The following TARS3 variants were observed in gnomAD, a reference collection of about 807,000 sequenced individuals.
The protein encoded by TARS3 is threonine--tRNA ligase 2, cytoplasmic.
A neutral mutation model predicts 103.5 loss-of-function variants in TARS3; 94 were observed. The observed-to-expected ratio is 0.91, with a 90% CI of 0.77 to 1.08. TARS3 has a LOEUF of 1.08. Among genes scored for constraint, TARS3 ranks in the 50% least tolerant of loss-of-function variants. The pLI is 0.00. For synonymous variants in TARS3, 416 were observed against 355.4 expected (o/e 1.17, Z -1.92); for missense variants, 952 against 995.2 (o/e 0.96, Z 0.58).
In TARS3 at chr15:101,701,134, GA is replaced by G; in HGVS notation, c.1271del (p.Phe424SerfsTer67). 6.3e-7 allele frequency: 1 copy of G among 1,597,488 alleles called. No homozygotes were observed. The highest frequency in any genetic ancestry group is 8.5e-7 in the Non-Finnish European group (1 of 1,175,186). ...TATAAATGAAGGCTCCTCTGGGAAG[GA>G]AAAAACAGCTTCCAGGACTCAAATC... is the stretch of plus-strand genomic sequence containing the variant. ...FHDLSPGSCF[F>X]LPRGAFIYNT... is the part of the protein sequence containing the mutation. On this transcript the variant is annotated frameshift_variant, in exon 10 of 19. Coordinates refer to ENST00000335968, the MANE Select transcript of TARS3 (RefSeq NM_152334.3). LOFTEE classifies it high-confidence loss of function.
chr15:101,694,253 A>G (rs560273232), intron 10 of TARS3, among the ~76,000 whole-genome samples: 1 of 152,354 alleles, frequency 6.6e-6, no homozygotes, highest in Non-Finnish European at 1.5e-5. Flanking sequence ...AATTTCCCTC[A>G]GTGGGAGCAG....
At chr15:101,703,995 T>C (rs1241607094) in intron 7 of TARS3, 58 bp from the exon 8 acceptor site, 2 of 1,240,754 alleles carry the variant, frequency 1.6e-6, no homozygotes, top group Non-Finnish European at 2.3e-6. Flanking sequence ...GGACTATTCA[T>C]TATAAGCCAT....
At chr15:101,708,522 T>C (rs555533865) in intron 6 of TARS3, among the ~76,000 whole-genome samples, 1 of 152,180 alleles carries the variant, frequency 6.6e-6, no homozygotes, top group African/African-American at 2.4e-5. Flanking sequence ...GTGACAGATA[T>C]TCACAATACT....
intron 10 of TARS3, among the ~76,000 whole-genome samples, chr15:101,695,145 C>CA (rs1898908360): frequency 1.3e-5 from 2 of 152,030 alleles, no homozygotes; most frequent in African/African-American, 4.8e-5. Context: ...TAAAATTCAC[C>CA]AATTTTAAGT....
intron 11 of TARS3, among the ~76,000 whole-genome samples, chr15:101,685,098 C>T (rs1898411804): frequency 6.6e-6 from 1 of 152,156 alleles, no homozygotes; most frequent in Admixed American, 6.5e-5. Flanking sequence ...TAAATTTCTT[C>T]TCATCTTCAC....
rs371101163 is a variant in TARS3, at chr15:101,668,286, G to A, written c.1967+3200C>T. ...ACATGAATATTTACAGGCTGTTGTA[G>A]GGTTATTAATTAGCCTAATTTCAAT... On this transcript the variant is annotated intron_variant, in intron 15 of 18. Transcript: ENST00000335968. Among the ~76,000 whole-genome samples, 15 of 152,116 alleles carry A rather than the reference G, an allele frequency of 9.9e-5. No homozygotes were observed. The East Asian group carries it at 2.3e-3, about 23-fold the overall frequency.
At chr15:101,704,523 T>C (rs1455998064) in intron 7 of TARS3, among the ~76,000 whole-genome samples, 5 of 151,782 alleles carry the variant, frequency 3.3e-5, no homozygotes, top group South Asian at 2.1e-4. Context: ...GGCGTGGTGG[T>C]GGGCGCCTGT....
chr15:101,686,199 G>T, intron 10 of TARS3, 137 bp from the exon 11 acceptor site: 1 of 698,724 alleles, frequency 1.4e-6, no homozygotes, highest in Non-Finnish European at 2.3e-6. Flanking sequence ...CTCAGTTTTA[G>T]GTGTGGTGGT....
At chr15:101,687,451 G>A (rs963555150) in intron 10 of TARS3, among the ~76,000 whole-genome samples, 1 of 152,100 alleles carries the variant, frequency 6.6e-6, no homozygotes, top group Admixed American at 6.5e-5. Flanking sequence ...AAGAATGGCA[G>A]TGATTATTGG....
intron 16 of TARS3, among the ~76,000 whole-genome samples, chr15:101,660,099 G>A (rs567522293): frequency 6.6e-6 from 1 of 152,350 alleles, no homozygotes; most frequent in South Asian, 2.1e-4. Flanking sequence ...CAGAGACATG[G>A]AGCTTTTGGA....
At chr15:101,664,029 G>A (rs1230395878) in intron 15 of TARS3, 1 of 152,068 alleles carries the variant, frequency 6.6e-6, no homozygotes, top group Admixed American at 6.6e-5. Context: ...CTCAATCATG[G>A]TGATGACCTT....
chr15:101,660,676 C>CG (rs1567321786), intron 16 of TARS3, among the ~76,000 whole-genome samples: 4 of 152,174 alleles, frequency 2.6e-5, no homozygotes, highest in African/African-American at 7.2e-5. Context: ...GGTACCATCC[C>CG]GGGGGATCAC....
chr15:101,688,336 C>T (rs1312777833), intron 10 of TARS3, among the ~76,000 whole-genome samples: 1 of 152,106 alleles, frequency 6.6e-6, no homozygotes, highest in African/African-American at 2.4e-5. Flanking sequence ...TCATGCCATG[C>T]CATTAATTTC....
At chr15:101,673,228 T>C (rs1166667603) in intron 13 of TARS3, among the ~76,000 whole-genome samples, 1 of 152,166 alleles carries the variant, frequency 6.6e-6, no homozygotes, top group African/African-American at 2.4e-5. Context: ...TGCTAAACTA[T>C]TTACCCCCAT....
rs765124189 is a variant in TARS3 at position 101,657,079 on chromosome 15, T to C, written c.2146-43A>G. 7 of 1,339,176 alleles carry C rather than the reference T, an allele frequency of 5.2e-6. No homozygotes were observed. In the South Asian group the frequency reaches 7.2e-5, roughly 14 times the overall value. The allele number at this position is 1,339,176 out of a possible 1,614,324, so 83.0% of individuals were successfully genotyped here. A position where few individuals can be genotyped will look rare whatever the true frequency, so the allele number is the denominator to read the frequency against. On this transcript the variant is annotated intron_variant, in intron 17 of 18. Coordinates refer to ENST00000335968, the MANE Select transcript of TARS3 (RefSeq NM_152334.3). ...ACCTTTACTGTTACATTATGGTACC[T>C]AGCCTCCAAGAAGACCCCGTTGTTC...
chr15:101,666,074 A>G (rs1251546825), intron 15 of TARS3, among the ~76,000 whole-genome samples: 1 of 152,240 alleles, frequency 6.6e-6, no homozygotes, highest in East Asian at 1.9e-4. Flanking sequence ...CACTGTAAGC[A>G]TCAAAATTGT....
intron 9 of TARS3, 87 bp downstream of exon 9, chr15:101,702,152 T>C: frequency 6.6e-7 from 1 of 1,520,162 alleles, no homozygotes; most frequent in South Asian, 1.2e-5. Context: ...AGAAATCTTA[T>C]TTTTAAAGCA....
chr15:101,714,050 T>C (rs566084510), intron 4 of TARS3, among the ~76,000 whole-genome samples: 140 of 152,300 alleles, frequency 9.2e-4, no homozygotes, highest in African/African-American at 3.1e-3. Flanking sequence ...AATGGACAGC[T>C]TGAAGGGCGA....
intron 6 of TARS3, 38 bp from the exon 7 acceptor site, chr15:101,705,785 A>C: frequency 1.4e-6 from 2 of 1,456,554 alleles, no homozygotes; most frequent in South Asian, 1.2e-5. Context: ...ATTACACACA[A>C]TGTTGAAATG....
Sources: allele counts gnomAD v4.1 joint callset (sites outside exome capture counted in the v4.1 genomes callset), GRCh38; gene constraint gnomAD v4.1.1; transcripts MANE v1.5; gene names NCBI Gene and HGNC (gene_info 2026-07-23, HGNC 2026-07-21).